AGTPBP1: variants seen among roughly 807,000 people sequenced by gnomAD.
AGTPBP1 encodes the protein cytosolic carboxypeptidase 1.
AGTPBP1 carries 70 observed loss-of-function variants against 143.9 expected under a neutral mutation model. The ratio of observed to expected loss-of-function variants is 0.49; its 90% confidence interval spans 0.40 to 0.59. AGTPBP1 has a LOEUF of 0.59. AGTPBP1 is among the 20% of genes least tolerant of loss of function. AGTPBP1 has a pLI of 0.00. For synonymous variants in AGTPBP1, 463 were observed against 500.2 expected (o/e 0.93, Z 0.99); for missense variants, 1,229 against 1,464.5 (o/e 0.84, Z 2.62).
chr9:85,797,400 C>T, the AGTPBP1 span, among the ~76,000 whole-genome samples: 27 of 152,338 alleles, frequency 1.8e-4, no homozygotes, highest in Non-Finnish European at 2.8e-4. Flanking sequence ...TGAGCCACCA[C>T]ACCTGGTGGT....
At chr9:85,786,051 T>A in the AGTPBP1 span, 1 of 1,319,244 alleles carries the variant, frequency 7.6e-7, no homozygotes, top group South Asian at 1.4e-5. Flanking sequence ...TTAAAACACC[T>A]AATTTTGAGG....
At chr9:85,687,404 C>G (rs1835550457) in intron 3 of AGTPBP1, among the ~76,000 whole-genome samples, 1 of 152,182 alleles carries the variant, frequency 6.6e-6, no homozygotes, top group South Asian at 2.1e-4. Context: ...CACCCAACAA[C>G]AGCAGAATAT....
rs1302612373 is a variant in AGTPBP1 at position 85,588,387 on chromosome 9, C to T, written c.2814G>A (p.Met938Ile). Residue 938 changes from methionine to isoleucine, a missense_variant, in exon 21 of 26, where the codon ATG becomes ATA. Met to Ile is a conservative substitution (Grantham distance 10). This residue lies in a region of AGTPBP1 where 486 missense variants were observed against 652.3 expected (regional missense o/e 0.75). Transcript: ENST00000357081. ...AGCTCTGAGCAGTGGGGTTATTGCT[C>T]ATGAGATATTCCAACGTTCCTTTCA... ...WVMKGTLEYL[M>I]SNNPTAQSLR... The T allele has an allele frequency of 1.9e-6, 3 of 1,613,484 alleles. No individual in the cohort carries two copies. Among genetic ancestry groups the T allele is most frequent in the African/African-American group, 1.3e-5 (1 of 74,908 alleles).
At chr9:85,712,138 G>A (rs1174029134) in intron 2 of AGTPBP1, among the ~76,000 whole-genome samples, 6 of 152,024 alleles carry the variant, frequency 3.9e-5, no homozygotes, top group Admixed American at 3.3e-4. Flanking sequence ...GGTGGTGGGT[G>A]CCTGTAATCC....
intron 11 of AGTPBP1, among the ~76,000 whole-genome samples, chr9:85,650,082 G>A (rs1833063053): frequency 7.9e-6 from 1 of 127,326 alleles, no homozygotes; most frequent in Non-Finnish European, 1.6e-5. Flanking sequence ...GGAAAATAAA[G>A]TGTAGGACAA....
chr9:85,785,446 A>G, the AGTPBP1 span, among the ~76,000 whole-genome samples: 7 of 152,240 alleles, frequency 4.6e-5, no homozygotes, highest in Admixed American at 6.5e-5. Flanking sequence ...ACCTGTATGC[A>G]TTTCTCTTAA....
At chr9:85,585,658 T>C (rs1340081761) in intron 22 of AGTPBP1, 64 bp from the exon 23 acceptor site, 4 of 1,343,272 alleles carry the variant, frequency 3.0e-6, no homozygotes, top group Non-Finnish European at 3.9e-6. Context: ...GTAAAGGTAG[T>C]TAATATCAAG....
At chr9:85,688,123 CA>C (rs972628254) in intron 3 of AGTPBP1, among the ~76,000 whole-genome samples, 1 of 91,348 alleles carries the variant, frequency 1.1e-5, no homozygotes, top group African/African-American at 4.3e-5. Context: ...AAAAAAAAGG[CA>C]AAAAAAAGAG....
intron 17 of AGTPBP1, among the ~76,000 whole-genome samples, chr9:85,617,473 T>A (rs575181281): frequency 2.7e-4 from 41 of 152,318 alleles, no homozygotes; most frequent in African/African-American, 9.6e-4. Flanking sequence ...ATTAAGTTCA[T>A]ACAAGTATGT....
chr9:85,634,142 C>G (rs375597823), intron 13 of AGTPBP1, among the ~76,000 whole-genome samples: 1 of 142,022 alleles, frequency 7.0e-6, no homozygotes, highest in Non-Finnish European at 1.5e-5. Context: ...TGCAGTGAAC[C>G]GAGATCATGC....
At chr9:85,795,223 C>A in the AGTPBP1 span, among the ~76,000 whole-genome samples, 1 of 152,208 alleles carries the variant, frequency 6.6e-6, no homozygotes, top group African/African-American at 2.4e-5. Flanking sequence ...AGTATGAGAT[C>A]TTTCCTATAA....
At chr9:85,567,802 A>G (rs1827204987) in intron 25 of AGTPBP1, among the ~76,000 whole-genome samples, 1 of 152,202 alleles carries the variant, frequency 6.6e-6, no homozygotes, top group Non-Finnish European at 1.5e-5. Context: ...TGGAGAACAG[A>G]CTGAGAAATT....
intron 8 of AGTPBP1, among the ~76,000 whole-genome samples, chr9:85,668,806 T>C: frequency 6.6e-6 from 1 of 151,486 alleles, no homozygotes; most frequent in East Asian, 1.9e-4. Flanking sequence ...ATAAACTCTA[T>C]TTTATGTATG....
At chr9:85,720,029 T>C (rs1837996244) in intron 1 of AGTPBP1, among the ~76,000 whole-genome samples, 1 of 152,220 alleles carries the variant, frequency 6.6e-6, no homozygotes, top group Non-Finnish European at 1.5e-5. Flanking sequence ...TTGTGGTGGA[T>C]AAGCTTTTTC....
At chr9:85,714,774 A>G (rs62570599) in intron 1 of AGTPBP1, among the ~76,000 whole-genome samples, 2,252 of 152,280 alleles carry the variant, frequency 0.015, 25 homozygotes, top group Middle Eastern at 0.037. Flanking sequence ...CTTGAAAGTG[A>G]TATGCTGCAA....
chr9:85,628,717 T>C (rs1033285491), intron 14 of AGTPBP1, among the ~76,000 whole-genome samples: 35 of 152,126 alleles, frequency 2.3e-4, no homozygotes, highest in Admixed American at 2.2e-3. Flanking sequence ...TTTTTTTGTT[T>C]GTTTCTTTGT....
At chr9:85,678,263 A>G in intron 5 of AGTPBP1, 72 bp downstream of exon 5, 1 of 1,059,676 alleles carries the variant, frequency 9.4e-7, no homozygotes. Context: ...GAAAATTCCA[A>G]ATAAAGTGAA....
At chr9:85,674,311 C>A (rs1255310676) in intron 6 of AGTPBP1, among the ~76,000 whole-genome samples, 3 of 151,542 alleles carry the variant, frequency 2.0e-5, no homozygotes, top group Admixed American at 6.6e-5. Context: ...GAAACTAGGG[C>A]AAACCATAAA....
intron 3 of AGTPBP1, among the ~76,000 whole-genome samples, chr9:85,692,132 G>A (rs1835915901): frequency 6.6e-6 from 1 of 151,924 alleles, no homozygotes; most frequent in South Asian, 2.1e-4. Context: ...AAGTAGCACT[G>A]GAATTAGGTA....
Sources: gnomAD v4.1 joint callset for allele counts (sites outside exome capture counted in the v4.1 genomes callset) on GRCh38, gnomAD v4.1.1 for gene constraint, gnomAD v4.1.1 regional missense constraint, MANE v1.5 for transcripts, NCBI Gene and HGNC (gene_info 2026-07-23, HGNC 2026-07-21) for gene names.